Variants in RNGTT observed in about 807,000 individuals in gnomAD.
The protein encoded by RNGTT is RNA guanylyltransferase and 5'-phosphatase, also known as mRNA-capping enzyme.
RNGTT carries 33 observed loss-of-function variants against 79.3 expected under a neutral mutation model. That is an observed-to-expected ratio of 0.42 (90% CI 0.32 to 0.56). The LOEUF (loss-of-function observed/expected upper bound fraction) is 0.56, where lower values mean the gene tolerates loss of function less well. Among genes scored for constraint, RNGTT ranks in the 20% least tolerant of loss-of-function variants. The pLI, the probability that RNGTT is intolerant of heterozygous loss-of-function variation, is 0.17. For synonymous variants in RNGTT, 222 were observed against 235.9 expected, an observed-to-expected ratio of 0.94 and a Z score of 0.54; for missense variants, 497 against 739.1, an observed-to-expected ratio of 0.67 and a Z score of 3.80.
intron 8 of RNGTT, among the ~76,000 whole-genome samples, chr6:88,884,425 A>G (rs960295205): frequency 1.3e-5 from 2 of 152,184 alleles, no homozygotes; most frequent in Admixed American, 6.6e-5. Context: ...TATCTTTCCT[A>G]AAAGAAAGGG....
intron 11 of RNGTT, among the ~76,000 whole-genome samples, chr6:88,830,943 TTAA>T (rs1471291526): frequency 6.6e-6 from 1 of 152,152 alleles, no homozygotes; most frequent in African/African-American, 2.4e-5. Context: ...GAGGCAGTAA[TTAA>T]TAGCCTACCA....
chr6:88,768,525 A>G (rs1778543159), intron 13 of RNGTT, among the ~76,000 whole-genome samples: 1 of 152,198 alleles, frequency 6.6e-6, no homozygotes, highest in Non-Finnish European at 1.5e-5. Context: ...GATAATGCAT[A>G]GTTTCTTAAT....
At position 88,612,827 on chromosome 6, in the gene RNGTT, G is replaced by A. The variant is rs774084974; in HGVS notation, c.1686C>T (p.Ile562=). Residue 562 remains isoleucine (I), a synonymous_variant, in exon 16 of 16, where the codon ATC becomes ATT. Transcript: ENST00000369485. Reference sequence around the variant, plus strand: ...CTTGAGAAGCTGCAGTACATCTGTCGATGAACTCAAACAGCATCTCCTTGG... The same window carrying A: ...CTTGAGAAGCTGCAGTACATCTGTCAATGAACTCAAACAGCATCTCCTTGG... The part of the protein sequence containing the change: ...PVTKEMLFEF[I]DRCTAASQGQ... 51 of 1,613,674 alleles carry A rather than the reference G, an allele frequency of 3.2e-5. 1 individual carries two copies. The South Asian group carries it at 4.1e-4, about 13-fold the overall frequency.
At chr6:88,678,560 G>T in intron 13 of RNGTT, 141 bp from the exon 14 acceptor site, 1 of 384,316 alleles carries the variant, frequency 2.6e-6, no homozygotes, top group Non-Finnish European at 4.2e-6. Context: ...AGTAATAACT[G>T]TGTAATTATT....
At chr6:88,718,494 C>T (rs1776599162) in intron 13 of RNGTT, among the ~76,000 whole-genome samples, 1 of 151,582 alleles carries the variant, frequency 6.6e-6, no homozygotes, top group South Asian at 2.1e-4. Context: ...TAGATGGGGG[C>T]TGACAAAAAT....
At chr6:88,747,048 G>A (rs1009690987) in intron 13 of RNGTT, among the ~76,000 whole-genome samples, 3 of 152,004 alleles carry the variant, frequency 2.0e-5, no homozygotes, top group African/African-American at 4.8e-5. Context: ...CTTAATAACC[G>A]GCAGAATCCC....
At chr6:88,726,872 G>A (rs1776925295) in intron 13 of RNGTT, among the ~76,000 whole-genome samples, 1 of 152,094 alleles carries the variant, frequency 6.6e-6, no homozygotes, top group African/African-American at 2.4e-5. Context: ...AGTAAAGTTT[G>A]CTAAAAGTTA....
At chr6:88,939,509 G>A (rs1158795942) in intron 2 of RNGTT, among the ~76,000 whole-genome samples, 1 of 151,850 alleles carries the variant, frequency 6.6e-6, no homozygotes, top group Non-Finnish European at 1.5e-5. Context: ...TTGTTTTTCT[G>A]ATTTGTATTG....
chr6:88,788,368 A>C (rs972869083), intron 12 of RNGTT, among the ~76,000 whole-genome samples: 2 of 152,154 alleles, frequency 1.3e-5, no homozygotes, highest in African/African-American at 4.8e-5. Context: ...GACTAGGAGG[A>C]ATCAGGAGCA....
At chr6:88,803,918 A>G (rs959577788) in intron 11 of RNGTT, among the ~76,000 whole-genome samples, 13 of 152,198 alleles carry the variant, frequency 8.5e-5, no homozygotes, top group Non-Finnish European at 1.8e-4. Context: ...TACTCTTTTT[A>G]TAAATCAGAG....
intron 8 of RNGTT, among the ~76,000 whole-genome samples, chr6:88,878,574 A>G (rs925686109): frequency 2.6e-5 from 4 of 152,226 alleles, no homozygotes; most frequent in African/African-American, 9.7e-5. Context: ...CTTCCCAGAC[A>G]TAACTTTATT....
At chr6:88,752,873 CCTA>C (rs1777885144) in intron 13 of RNGTT, among the ~76,000 whole-genome samples, 2 of 151,946 alleles carry the variant, frequency 1.3e-5, no homozygotes, top group South Asian at 4.1e-4. Flanking sequence ...AATATAAACA[CCTA>C]CTATGTACCC....
intron 4 of RNGTT, among the ~76,000 whole-genome samples, chr6:88,921,354 A>G (rs540948992): frequency 6.6e-6 from 1 of 152,142 alleles, no homozygotes; most frequent in Non-Finnish European, 1.5e-5. Flanking sequence ...ATTAGCTGAT[A>G]TAATTGTTAA....
intron 4 of RNGTT, among the ~76,000 whole-genome samples, chr6:88,915,056 A>G (rs2127947602): frequency 6.6e-6 from 1 of 152,308 alleles, no homozygotes; most frequent in African/African-American, 2.4e-5. Flanking sequence ...GCAAATAAAA[A>G]CCACAATGAG....
chr6:88,645,934 T>C (rs548004729), intron 14 of RNGTT, among the ~76,000 whole-genome samples: 28 of 152,304 alleles, frequency 1.8e-4, no homozygotes, highest in East Asian at 1.4e-3. Context: ...ATTCAGGACA[T>C]AGGCATGGGC....
chr6:88,800,072 G>A (rs1779734892), intron 12 of RNGTT, among the ~76,000 whole-genome samples: 1 of 152,136 alleles, frequency 6.6e-6, no homozygotes, highest in African/African-American at 2.4e-5. Context: ...TGTTTGGCAA[G>A]GGGGGCTAGA....
chr6:88,776,583 C>T (rs979707888), intron 12 of RNGTT, among the ~76,000 whole-genome samples: 2 of 151,334 alleles, frequency 1.3e-5, no homozygotes, highest in South Asian at 2.1e-4. Context: ...GATCTACCCA[C>T]CTTGGCCTCC....
chr6:88,655,529 C>T (rs1381767822), intron 14 of RNGTT, among the ~76,000 whole-genome samples: 1 of 152,128 alleles, frequency 6.6e-6, no homozygotes, highest in East Asian at 1.9e-4. Flanking sequence ...TGACTAATGG[C>T]ACCCAGTTAC....
intron 14 of RNGTT, among the ~76,000 whole-genome samples, chr6:88,625,684 T>C (rs1395251908): frequency 6.6e-6 from 1 of 151,840 alleles, no homozygotes; most frequent in Non-Finnish European, 1.5e-5. Flanking sequence ...TATGCCTATA[T>C]GCACTTGTCT....
Sources: allele counts gnomAD v4.1 joint callset (sites outside exome capture counted in the v4.1 genomes callset), GRCh38; gene constraint gnomAD v4.1.1; transcripts MANE v1.5; gene names NCBI Gene and HGNC (gene_info 2026-07-23, HGNC 2026-07-21).